SEMA3F: variants seen among roughly 807,000 people sequenced by gnomAD.
The protein encoded by SEMA3F is semaphorin-3F.
A neutral mutation model predicts 98.5 loss-of-function variants in SEMA3F; 30 were observed. The observed-to-expected ratio is 0.30, with a 90% CI of 0.23 to 0.41. The LOEUF is 0.41. Ranked by LOEUF, SEMA3F falls within the 10% of genes least tolerant of loss-of-function variation. The pLI, the probability that SEMA3F is intolerant of heterozygous loss-of-function variation, is 1.00. For missense variants in SEMA3F, 866 were observed against 1,119.3 expected (o/e 0.77, Z 3.23); for synonymous variants, 380 against 444.8 (o/e 0.85, Z 1.83).
intron 1 of SEMA3F, among the ~76,000 whole-genome samples, chr3:50,157,630 TG>T: frequency 6.6e-6 from 1 of 152,226 alleles, no homozygotes; most frequent in East Asian, 1.9e-4. Context: ...TTCCCCCACC[TG>T]CCAGGCTGTC....
chr3:50,156,164 AG>A lies in SEMA3F; in HGVS notation c.-49+604del, dbSNP rs1697972204. ...TTTACAGCAGAGTCCTGCCTGGATT[AG>A]GGGCACGGCTGTATGTAGTGTGTAG... is the stretch of plus-strand genomic sequence containing the variant. On this transcript the variant is annotated intron_variant, in intron 1 of 18. Coordinates refer to ENST00000002829, the MANE Select transcript of SEMA3F (RefSeq NM_004186.5). The surrounding 1 kb of genome is among the most constrained non-coding windows in gnomAD (Gnocchi z 4.5). 1 of 152,342 alleles carries A rather than the reference AG, an allele frequency of 6.6e-6. No individual in the cohort carries two copies. Among genetic ancestry groups the A allele is most frequent in the African/African-American group, 2.4e-5 (1 of 41,454 alleles). The allele number at this position is 152,342 out of a possible 1,614,324, so 9.4% of individuals were successfully genotyped here.
Position 50,174,320 on chromosome 3 carries a change from C to T in SEMA3F, c.426C>T (p.Cys142=). 6.2e-7 allele frequency: 1 copy of T among 1,613,118 alleles called. No individual in the cohort carries two copies. Among genetic ancestry groups the T allele is most frequent in the Non-Finnish European group, 8.5e-7 (1 of 1,179,896 alleles). Residue 142 remains cysteine, a synonymous_variant, in exon 5 of 19, where the codon TGC becomes TGT. Transcript: ENST00000002829. ...GGACAGGTGCCTACAACCCCATGTG[C>T]ACCTATGTGAACCGCGGACGCCGCG... The part of the protein sequence containing the change: ...VCGTGAYNPM[C]TYVNRGRRAQ...
chr3:50,188,208 ATATTC>A lies in SEMA3F; in HGVS notation c.*97_*101del. On this transcript the variant is annotated 3_prime_UTR_variant, in exon 19 of 19. Transcript: ENST00000002829. This position sits in a 1 kb window ranked among gnomAD's most constrained non-coding sequence, Gnocchi z 4.5. ...ATATATATATATATATAAAATATCT[ATATTC>A]TATACACACCCTGCCCCTGCAAAGA... 2.2e-6 allele frequency: 1 copy of A among 446,620 alleles called. No homozygotes were observed. Among genetic ancestry groups the A allele is most frequent in the Non-Finnish European group, 3.3e-6 (1 of 302,520 alleles). 27.7% of individuals were successfully genotyped at this position (446,620 alleles called of 1,614,324 possible). A position where few individuals can be genotyped will look rare whatever the true frequency, so the allele number is the denominator to read the frequency against.
intron 2 of SEMA3F, 58 bp downstream of exon 2, chr3:50,159,792 C>T: frequency 8.8e-7 from 1 of 1,130,882 alleles, no homozygotes; most frequent in South Asian, 1.3e-5. Flanking sequence ...TAGCGCTCGG[C>T]TCCTCTGCAC....
rs781760087 is a variant in SEMA3F, at chr3:50,182,101, T to C, written c.644-183T>C. Among the ~76,000 whole-genome samples the C allele has an allele frequency of 4.6e-5, 7 of 152,200 alleles. No homozygotes were observed. Among genetic ancestry groups the C allele is most frequent in the Admixed American group, 6.5e-5 (1 of 15,284 alleles). On this transcript the variant is annotated intron_variant, in intron 7 of 18. Transcript: ENST00000002829. This position sits in a 1 kb window ranked among gnomAD's most constrained non-coding sequence, Gnocchi z 4.5. The stretch of plus-strand genomic sequence containing the variant: ...GGCTATTGCTACTAATCAGAGCTGA[T>C]AGTTACTAATCCCAACCCTCCCAGA...
At position 50,188,021 on chromosome 3, in the gene SEMA3F, C is replaced by T; in HGVS notation, c.2264C>T (p.Pro755Leu). Reference protein sequence around the residue: ...YCQGYWRHVPPSPREAPGAPR... With the variant: ...YCQGYWRHVPLSPREAPGAPR... Reference sequence around the variant, plus strand: ...CAGGGTTACTGGCGCCATGTGCCCCCCAGCCCCAGGGAGGCTCCAGGGGCA... The same window carrying T: ...CAGGGTTACTGGCGCCATGTGCCCCTCAGCCCCAGGGAGGCTCCAGGGGCA... Residue 755 changes from proline (P) to leucine (L), a missense_variant, in exon 19 of 19, where the codon CCC becomes CTC. Coordinates refer to ENST00000002829, the MANE Select transcript of SEMA3F (RefSeq NM_004186.5). This position sits in a 1 kb window ranked among gnomAD's most constrained non-coding sequence, Gnocchi z 4.5. 1.2e-6 allele frequency: 2 copies of T among 1,601,434 alleles called. No homozygotes were observed. Among genetic ancestry groups the T allele is most frequent in the Non-Finnish European group, 1.7e-6 (2 of 1,174,958 alleles).
intron 15 of SEMA3F, 82 bp from the exon 16 acceptor site, chr3:50,185,807 G>T: frequency 6.2e-7 from 1 of 1,606,750 alleles, no homozygotes; most frequent in Non-Finnish European, 8.5e-7. Flanking sequence ...GCATGGAACA[G>T]GGGAGAGGAG....
intron 11 of SEMA3F, 54 bp downstream of exon 11, chr3:50,183,309 G>C (rs574620021): frequency 6.2e-7 from 1 of 1,606,796 alleles, no homozygotes; most frequent in Non-Finnish European, 8.5e-7. Flanking sequence ...TTGGGGGATT[G>C]TAACTCGTGG....
chr3:50,186,291 C>T lies in SEMA3F; in HGVS notation c.1756C>T (p.Arg586Trp), dbSNP rs759452037. The change falls in exon 17 of 19, where the codon CGG (arginine) becomes TGG (tryptophan). Residue 586 changes from arginine (R) to tryptophan (W), a missense_variant. Arg to Trp is a moderately radical substitution (Grantham distance 101, BLOSUM62 -3). Transcript: ENST00000002829. ...GCTATCCTCATCCAGGCGGAGCCGC[C>T]GGCAGGACGTCCGGCACGGAAACCC... ...YTASSKRRSRRQDVRHGNPIR... is the reference protein window; with the variant it reads ...YTASSKRRSRWQDVRHGNPIR... The T allele has an allele frequency of 1.2e-6, 2 of 1,613,748 alleles. No individual in the cohort carries two copies. Among genetic ancestry groups the T allele is most frequent in the Admixed American group, 1.7e-5 (1 of 59,992 alleles).
rs776964097 is a variant in SEMA3F at position 50,186,746 on chromosome 3, G to A, written c.1947G>A (p.Glu649=). 41 of 1,598,054 alleles carry A rather than the reference G, an allele frequency of 2.6e-5. No individual in the cohort carries two copies. The highest frequency in any genetic ancestry group is 3.5e-5 in the Non-Finnish European group (41 of 1,167,764). ...FQRDPGDRRR[E]IRAEDRFLRT... ...GAGATCCTGGTGACCGGCGCCGAGAGGTGAGTTCCTGCGCCCGGTGCTGCA... is the reference window on the plus strand; with the variant it reads ...GAGATCCTGGTGACCGGCGCCGAGAAGTGAGTTCCTGCGCCCGGTGCTGCA... The change falls in exon 18 of 19, where the codon GAG becomes GAA. Residue 649 remains glutamate (E), a splice_region_variant and synonymous_variant. Coordinates refer to ENST00000002829, the MANE Select transcript of SEMA3F (RefSeq NM_004186.5).
At chr3:50,172,015 A>T (rs1698629788) in intron 2 of SEMA3F, among the ~76,000 whole-genome samples, 1 of 152,130 alleles carries the variant, frequency 6.6e-6, no homozygotes, top group African/African-American at 2.4e-5. Context: ...CAGCTGGTGG[A>T]ACCCCCTGAC....
intron 16 of SEMA3F, 55 bp from the exon 17 acceptor site, chr3:50,186,226 G>A (rs1699205543): frequency 6.3e-7 from 1 of 1,581,056 alleles, no homozygotes; most frequent in Non-Finnish European, 8.7e-7. Context: ...GAGATACAGG[G>A]ACCTGGGGGG....
Position 50,158,683 on chromosome 3 carries a change from A to AGTTGGCGCTGGTTTGT in SEMA3F, c.-48-890_-48-875dup, listed in dbSNP as rs1370727432. Among the ~76,000 whole-genome samples, 4 of 152,176 alleles carry AGTTGGCGCTGGTTTGT rather than the reference A, an allele frequency of 2.6e-5. No individual in the cohort carries two copies. Among genetic ancestry groups the AGTTGGCGCTGGTTTGT allele is most frequent in the Admixed American group, 2.6e-4 (4 of 15,280 alleles). ...GCATCCGGTTGGGGGTGGTGGTAGG[A>AGTTGGCGCTGGTTTGT]GTTGGCGCTGGTTTGTGCCGGGAGG... On this transcript the variant is annotated intron_variant, in intron 1 of 18. Transcript: ENST00000002829. This position sits in a 1 kb window ranked among gnomAD's most constrained non-coding sequence, Gnocchi z 4.8.
In SEMA3F at chr3:50,174,226, C is replaced by A. The variant is rs780395946; in HGVS notation, c.337-5C>A. ...GCACCTATGCAGCCTTCCCTGTGGC[C>A]CCAGGGCGAGTGTGGGAACTTCGTC... On this transcript the variant is annotated splice_region_variant and splice_polypyrimidine_tract_variant and intron_variant, in intron 4 of 18. Coordinates refer to ENST00000002829, the MANE Select transcript of SEMA3F (RefSeq NM_004186.5). The A allele has an allele frequency of 6.2e-7, 1 of 1,613,712 alleles. No individual in the cohort carries two copies. The highest frequency in any genetic ancestry group is 2.2e-5 in the East Asian group (1 of 44,876).
intron 2 of SEMA3F, among the ~76,000 whole-genome samples, chr3:50,163,305 C>T (rs560885009): frequency 7.2e-5 from 11 of 152,320 alleles, no homozygotes; most frequent in African/African-American, 1.7e-4. Flanking sequence ...GCTATAAATC[C>T]GGCCCTCCAT....
In SEMA3F at chr3:50,174,293, C is replaced by T. The variant is rs150349920; in HGVS notation, c.399C>T (p.Cys133=). The change falls in exon 5 of 19, where the codon TGC becomes TGT. Residue 133 remains cysteine (C), a synonymous_variant. Transcript: ENST00000002829. ...QPWNRTHLYV[C]GTGAYNPMCT... is the part of the protein sequence containing the mutation. ...GGAACCGAACACACCTGTATGTGTG[C>T]GGGACAGGTGCCTACAACCCCATGT... 1.3e-4 allele frequency: 212 copies of T among 1,613,328 alleles called. No individual in the cohort carries two copies. Among genetic ancestry groups the T allele is most frequent in the Non-Finnish European group, 1.6e-4 (193 of 1,179,942 alleles).
intron 2 of SEMA3F, among the ~76,000 whole-genome samples, chr3:50,165,343 G>A (rs1450791178): frequency 6.6e-6 from 1 of 152,220 alleles, no homozygotes; most frequent in Admixed American, 6.5e-5. Flanking sequence ...TTTCCTCATG[G>A]CAGAGGTACT....
intron 2 of SEMA3F, among the ~76,000 whole-genome samples, chr3:50,170,181 C>T (rs1452440083): frequency 1.3e-5 from 2 of 152,144 alleles, no homozygotes; most frequent in African/African-American, 2.4e-5. Context: ...TGGAACCTTA[C>T]ACCTTCTTTG....
chr3:50,181,670 G>A (rs1056707299), intron 7 of SEMA3F, among the ~76,000 whole-genome samples: 1 of 151,052 alleles, frequency 6.6e-6, no homozygotes, highest in African/African-American at 2.4e-5. Context: ...TGCCCAGGCT[G>A]GAGTGCAGTG....
Sources: allele counts gnomAD v4.1 joint callset (sites outside exome capture counted in the v4.1 genomes callset), GRCh38; gene constraint gnomAD v4.1.1; non-coding constraint Gnocchi (gnomAD v3.1); transcripts MANE v1.5; gene names NCBI Gene and HGNC (gene_info 2026-07-23, HGNC 2026-07-21).